Variants in LINGO2 observed in about 807,000 individuals in gnomAD.
The protein encoded by LINGO2 is leucine rich repeat and Ig domain containing 2, also known as leucine-rich repeat and immunoglobulin-like domain-containing nogo receptor-interacting protein 2.
A neutral mutation model predicts 30.6 loss-of-function variants in LINGO2; 14 were observed. The ratio of observed to expected loss-of-function variants is 0.46; its 90% CI spans 0.30 to 0.72. LINGO2 has a LOEUF of 0.72. Ranked by LOEUF, LINGO2 falls within the 30% of genes least tolerant of loss-of-function variation. The pLI is 0.07. For missense variants in LINGO2, 729 were observed against 751.7 expected, an observed-to-expected ratio of 0.97 and a Z score of 0.35; for synonymous variants, 317 against 288.5, an observed-to-expected ratio of 1.10 and a Z score of -1.00.
chr9:29,101,362 A>G, the LINGO2 span, among the ~76,000 whole-genome samples: 1 of 152,218 alleles, frequency 6.6e-6, no homozygotes, highest in East Asian at 1.9e-4. Context: ...CTATGGAAAG[A>G]GATTCATAAC....
chr9:28,279,987 T>C (rs544959683), intron 4 of LINGO2, among the ~76,000 whole-genome samples: 1 of 152,272 alleles, frequency 6.6e-6, no homozygotes, highest in South Asian at 2.1e-4. Context: ...GTAAGTTATC[T>C]TAGGACAGTC....
At chr9:28,520,785 A>T (rs1341345776) in intron 1 of LINGO2, among the ~76,000 whole-genome samples, 1 of 152,192 alleles carries the variant, frequency 6.6e-6, no homozygotes, top group African/African-American at 2.4e-5. Flanking sequence ...CTATATTTTT[A>T]CATTTAGTAA....
the LINGO2 span, among the ~76,000 whole-genome samples, chr9:29,146,906 A>G: frequency 1.3e-5 from 2 of 152,216 alleles, no homozygotes; most frequent in African/African-American, 4.8e-5. Flanking sequence ...ATATTTCTCA[A>G]TATTAAAATT....
At chr9:28,756,526 T>C in the LINGO2 span, among the ~76,000 whole-genome samples, 2 of 151,914 alleles carry the variant, frequency 1.3e-5, no homozygotes, top group Non-Finnish European at 2.9e-5. Context: ...GGACATGATA[T>C]TGGGGAGAGA....
intron 1 of LINGO2, among the ~76,000 whole-genome samples, chr9:28,590,322 A>G (rs1478057560): frequency 6.6e-6 from 1 of 152,094 alleles, no homozygotes; most frequent in African/African-American, 2.4e-5. Flanking sequence ...AATTAAACTA[A>G]AGAGCTTCTG....
the LINGO2 span, among the ~76,000 whole-genome samples, chr9:28,971,685 T>C: frequency 6.6e-6 from 1 of 152,238 alleles, no homozygotes; most frequent in Non-Finnish European, 1.5e-5. Context: ...GACACTCAGA[T>C]GGCACCTCTG....
intron 1 of LINGO2, among the ~76,000 whole-genome samples, chr9:28,490,111 T>C (rs1360812396): frequency 6.6e-6 from 1 of 152,052 alleles, no homozygotes; most frequent in African/African-American, 2.4e-5. Flanking sequence ...AAAAGGTATA[T>C]GGTGTGAGCT....
At chr9:28,111,940 G>A (rs1826807315) in intron 4 of LINGO2, among the ~76,000 whole-genome samples, 1 of 149,472 alleles carries the variant, frequency 6.7e-6, no homozygotes, top group Non-Finnish European at 1.5e-5. Flanking sequence ...CTAAGTTTTA[G>A]GGTACATGTG....
intron 1 of LINGO2, among the ~76,000 whole-genome samples, chr9:28,637,363 CA>C (rs1467118620): frequency 4.6e-5 from 7 of 152,122 alleles, no homozygotes; most frequent in South Asian, 2.1e-4. Context: ...TGAAAAAAGT[CA>C]TTGATAACTT....
chr9:28,333,954 C>A (rs1376428899), intron 3 of LINGO2, among the ~76,000 whole-genome samples: 1 of 152,118 alleles, frequency 6.6e-6, no homozygotes, highest in Non-Finnish European at 1.5e-5. Flanking sequence ...AGAAAGGGAA[C>A]CATGATACTG....
At chr9:28,068,681 T>A (rs964601087) in intron 4 of LINGO2, among the ~76,000 whole-genome samples, 1 of 152,168 alleles carries the variant, frequency 6.6e-6, no homozygotes, top group Non-Finnish European at 1.5e-5. Context: ...AACAATCCTG[T>A]AAGATAAGTA....
intron 1 of LINGO2, among the ~76,000 whole-genome samples, chr9:28,572,930 T>C (rs1823771117): frequency 6.6e-6 from 1 of 152,166 alleles, no homozygotes; most frequent in Non-Finnish European, 1.5e-5. Context: ...GATGCCATTT[T>C]ACTGCCTAAG....
chr9:28,430,107 C>CGTGTGTGT (rs112852261), intron 2 of LINGO2, among the ~76,000 whole-genome samples: 186 of 18,220 alleles, frequency 0.01, 1 homozygote, highest in African/African-American at 0.017. Context: ...CGCGCGCGCG[C>CGTGTGTGT]GCGTGTGTGT....
the LINGO2 span, among the ~76,000 whole-genome samples, chr9:28,727,292 T>A: frequency 2.6e-5 from 4 of 152,026 alleles, no homozygotes; most frequent in Non-Finnish European, 5.9e-5. Context: ...AATCCTTCTT[T>A]TTTTTTTTTC....
At chr9:28,950,566 T>C in the LINGO2 span, among the ~76,000 whole-genome samples, 4 of 144,674 alleles carry the variant, frequency 2.8e-5, no homozygotes, top group Non-Finnish European at 6.1e-5. Flanking sequence ...ACAAAATCAA[T>C]GTGCAAAAAT....
chr9:28,207,688 T>A (rs1166803420), intron 4 of LINGO2, among the ~76,000 whole-genome samples: 2 of 152,158 alleles, frequency 1.3e-5, no homozygotes, highest in Non-Finnish European at 2.9e-5. Flanking sequence ...TATGTATATG[T>A]CTCAGCTCTG....
At chr9:28,235,549 A>G (rs1821531989) in intron 4 of LINGO2, among the ~76,000 whole-genome samples, 1 of 152,144 alleles carries the variant, frequency 6.6e-6, no homozygotes, top group Non-Finnish European at 1.5e-5. Context: ...TTTCAGACAC[A>G]GAATTCAAAA....
At chr9:28,645,462 C>T (rs1043887400) in intron 1 of LINGO2, among the ~76,000 whole-genome samples, 1 of 152,068 alleles carries the variant, frequency 6.6e-6, no homozygotes, top group African/African-American at 2.4e-5. Flanking sequence ...TCTGTAAGTA[C>T]ACTAATATCT....
At chr9:28,386,242 G>C (rs556490189) in intron 2 of LINGO2, among the ~76,000 whole-genome samples, 130 of 152,254 alleles carry the variant, frequency 8.5e-4, no homozygotes, top group African/African-American at 2.9e-3. Flanking sequence ...CATGTCCTTT[G>C]ACACTGATGT....
Sources: allele counts gnomAD v4.1 joint callset (sites outside exome capture counted in the v4.1 genomes callset), GRCh38; gene constraint gnomAD v4.1.1; transcripts MANE v1.5; gene names NCBI Gene and HGNC (gene_info 2026-07-23, HGNC 2026-07-21).